Variants in MLLT10 observed in about 807,000 individuals in gnomAD.
MLLT10 encodes the protein protein AF-10.
A neutral mutation model predicts 129.1 loss-of-function variants in MLLT10; 30 were observed. The ratio of observed to expected loss-of-function variants is 0.23; its 90% confidence interval spans 0.17 to 0.32. The LOEUF is 0.32. Among genes scored for constraint, MLLT10 ranks in the 10% least tolerant of loss-of-function variants. The probability of loss-of-function intolerance (pLI) is 1.00; values close to 1 mark genes in which losing one functional copy is unlikely to be tolerated. For missense variants in MLLT10, 1,119 were observed against 1,268.3 expected (o/e 0.88, Z 1.79); for synonymous variants, 490 against 446.4 (o/e 1.10, Z -1.23).
intron 9 of MLLT10, among the ~76,000 whole-genome samples, chr10:21,664,928 G>A (rs1022322669): frequency 1.0e-4 from 15 of 148,778 alleles, no homozygotes; most frequent in Admixed American, 2.0e-4. Context: ...TTTAAAATAG[G>A]CTTCTTTTTT....
intron 3 of MLLT10, among the ~76,000 whole-genome samples, chr10:21,563,785 C>G (rs1321150109): frequency 6.9e-6 from 1 of 145,898 alleles, no homozygotes; most frequent in Non-Finnish European, 1.5e-5. Flanking sequence ...TGATATCTCA[C>G]TGTGTGTATT....
intron 3 of MLLT10, among the ~76,000 whole-genome samples, chr10:21,574,674 TA>T (rs2040548172): frequency 6.6e-6 from 1 of 152,230 alleles, no homozygotes. Context: ...TTCCCAGAAC[TA>T]GTGGTTCCTC....
At chr10:21,600,552 C>T (rs1418728523) in intron 5 of MLLT10, among the ~76,000 whole-genome samples, 2 of 152,184 alleles carry the variant, frequency 1.3e-5, no homozygotes, top group Non-Finnish European at 2.9e-5. Context: ...GATAATAAGG[C>T]CCCTGATATT....
Position 21,586,354 on chromosome 10 carries a change from T to C in MLLT10, c.295+6T>C. 1 of 1,577,566 alleles carries C rather than the reference T, an allele frequency of 6.3e-7. No homozygotes were observed. The highest frequency in any genetic ancestry group is 8.6e-7 in the Non-Finnish European group (1 of 1,162,486). On this transcript the variant is annotated splice_donor_region_variant and intron_variant, in intron 4 of 22. Transcript: ENST00000307729. ...AAAAAGAACAGATAATGGGGGTAAG[T>C]GCAGAGATTTCTTGAAAAAAATTTT...
chr10:21,673,554 G>C lies in MLLT10; in HGVS notation c.1256G>C (p.Gly419Ala), dbSNP rs771824550. The change falls in exon 11 of 23, where the codon GGC becomes GCC. Residue 419 changes from glycine to alanine, a missense_variant. Around this residue, in one of 5 missense-constraint regions of MLLT10, gnomAD observed 1,004 missense variants for 1,008.7 expected, o/e 1.00. Coordinates refer to ENST00000307729, the MANE Select transcript of MLLT10 (RefSeq NM_001195626.3). ...GGVNSFSTLI[G>A]LPSTSAVTSQ... ...GTAAATAGTTTTAGTACCTTAATTG[G>C]CCTCCCTTCAACCTCAGCTGTTACT... The C allele has an allele frequency of 8.1e-6, 13 of 1,613,006 alleles. No individual in the cohort carries two copies. The highest frequency in any genetic ancestry group is 1.1e-5 in the Non-Finnish European group (13 of 1,179,676).
Position 21,667,510 on chromosome 10 carries a change from A to G in MLLT10, c.796-2939A>G, listed in dbSNP as rs1306380153. Among the ~76,000 whole-genome samples, 5 of 150,214 alleles carry G rather than the reference A, an allele frequency of 3.3e-5. No homozygotes were observed. In the East Asian group the frequency reaches 7.8e-4, roughly 23 times the overall value. ...AAATTAGGCTACTTAAGGTTGTTCT[A>G]CAGCTCACTGTTTTTTTTTTAATGT... is the stretch of plus-strand genomic sequence containing the variant. On this transcript the variant is annotated intron_variant, in intron 9 of 22. Transcript: ENST00000307729.
chr10:21,599,154 G>C (rs2043280640), intron 5 of MLLT10, among the ~76,000 whole-genome samples: 1 of 150,474 alleles, frequency 6.6e-6, no homozygotes, highest in African/African-American at 2.4e-5. Flanking sequence ...CCTCAGCCTG[G>C]GTGACAGAGT....
intron 3 of MLLT10, chr10:21,572,007 C>G (rs887505211): frequency 2.6e-5 from 4 of 152,186 alleles, no homozygotes; most frequent in Admixed American, 6.5e-5. Flanking sequence ...ACAGTTTTGC[C>G]TAACCTCGAA....
At chr10:21,609,546 G>A (rs931537671) in intron 5 of MLLT10, among the ~76,000 whole-genome samples, 1 of 152,126 alleles carries the variant, frequency 6.6e-6, no homozygotes, top group Non-Finnish European at 1.5e-5. Context: ...TCCCCATTGG[G>A]TGCAGCCTAG....
At chr10:21,648,224 A>T (rs1221705760) in intron 8 of MLLT10, among the ~76,000 whole-genome samples, 5 of 152,196 alleles carry the variant, frequency 3.3e-5, no homozygotes, top group Admixed American at 2.0e-4. Flanking sequence ...TTTGATTCAC[A>T]TTTGATAGGC....
intron 13 of MLLT10, among the ~76,000 whole-genome samples, chr10:21,694,119 T>C (rs1380524395): frequency 6.6e-6 from 1 of 152,230 alleles, no homozygotes; most frequent in Non-Finnish European, 1.5e-5. Context: ...CTGAGCCATT[T>C]GAGAGTAAGT....
intron 8 of MLLT10, among the ~76,000 whole-genome samples, chr10:21,622,766 G>T (rs114324263): frequency 0.028 from 4,282 of 152,166 alleles, 198 homozygotes; most frequent in African/African-American, 0.097. Flanking sequence ...CACCAAGTGG[G>T]TATCCTACAA....
intron 12 of MLLT10, 26 bp from the exon 13 acceptor site, chr10:21,682,199 G>T: frequency 6.2e-7 from 1 of 1,601,944 alleles, no homozygotes. Context: ...ATCTTAACCT[G>T]AAGTCCTTTT....
At chr10:21,664,503 G>A (rs1041567728) in intron 9 of MLLT10, among the ~76,000 whole-genome samples, 3 of 151,850 alleles carry the variant, frequency 2.0e-5, no homozygotes, top group African/African-American at 4.8e-5. Context: ...CACCATGTTG[G>A]TCAGGATGGT....
At chr10:21,581,981 A>G (rs935312484) in intron 3 of MLLT10, among the ~76,000 whole-genome samples, 7 of 152,170 alleles carry the variant, frequency 4.6e-5, no homozygotes, top group Non-Finnish European at 8.8e-5. Flanking sequence ...TCATTACGTC[A>G]CTAGGCAATA....
At chr10:21,684,835 C>A (rs1175535183) in intron 13 of MLLT10, among the ~76,000 whole-genome samples, 1 of 152,198 alleles carries the variant, frequency 6.6e-6, no homozygotes, top group African/African-American at 2.4e-5. Flanking sequence ...CTTTACGTTG[C>A]ATCAATAGAA....
chr10:21,538,193 T>G (rs2034436855), intron 2 of MLLT10, among the ~76,000 whole-genome samples: 1 of 150,520 alleles, frequency 6.6e-6, no homozygotes, highest in Non-Finnish European at 1.5e-5. Flanking sequence ...AGACGGAGTT[T>G]CACTCTTATT....
intron 3 of MLLT10, among the ~76,000 whole-genome samples, chr10:21,584,626 T>C (rs987377642): frequency 6.6e-6 from 1 of 152,062 alleles, no homozygotes; most frequent in Admixed American, 6.6e-5. Context: ...ATTAGGCTTT[T>C]ATGGCTTATG....
intron 14 of MLLT10, among the ~76,000 whole-genome samples, chr10:21,721,711 G>C (rs78073138): frequency 0.019 from 2,840 of 152,184 alleles, 83 homozygotes; most frequent in African/African-American, 0.064. Context: ...TGCCTTGGTA[G>C]AGACTTGCAG....
Sources: gnomAD v4.1 joint callset for allele counts (sites outside exome capture counted in the v4.1 genomes callset) on GRCh38, gnomAD v4.1.1 for gene constraint, gnomAD v4.1.1 regional missense constraint, MANE v1.5 for transcripts, NCBI Gene and HGNC (gene_info 2026-07-23, HGNC 2026-07-21) for gene names.